The following FGD3 variants were observed in gnomAD, a reference collection of about 807,000 sequenced individuals.
FGD3 encodes FYVE, RhoGEF and PH domain containing 3, also known as FYVE, RhoGEF and PH domain-containing protein 3.
Under a neutral mutation model 71.8 loss-of-function variants are expected in FGD3, and 45 were observed. The observed-to-expected ratio is 0.63, with a 90% CI of 0.49 to 0.80. The LOEUF is 0.80. FGD3 is among the 30% of genes least tolerant of loss of function. The pLI, the probability that FGD3 is intolerant of heterozygous loss-of-function variation, is 0.00. For synonymous variants in FGD3, 378 were observed against 392.8 expected, an observed-to-expected ratio of 0.96 and a Z score of 0.44; for missense variants, 844 against 951.5, an observed-to-expected ratio of 0.89 and a Z score of 1.49.
chr9:93,034,689 T>C lies in FGD3; in HGVS notation c.1926+8T>C, dbSNP rs1862521436. 1 of 1,610,736 alleles carries C rather than the reference T, an allele frequency of 6.2e-7. No homozygotes were observed. The highest frequency in any genetic ancestry group is 1.3e-5 in the African/African-American group (1 of 74,740). Reference sequence around the variant, plus strand: ...CTGCAGGGAGGCAGCCAGGTACGTGTCCCCACCCCACCAGGCCCTCAGGCC... The same window carrying C: ...CTGCAGGGAGGCAGCCAGGTACGTGCCCCCACCCCACCAGGCCCTCAGGCC... On this transcript the variant is annotated splice_region_variant and intron_variant, in intron 17 of 17. Transcript: ENST00000375482.
At chr9:92,955,456 G>A (rs149174508) in intron 1 of FGD3, among the ~76,000 whole-genome samples, 3 of 152,084 alleles carry the variant, frequency 2.0e-5, no homozygotes, top group Non-Finnish European at 4.4e-5. Context: ...TGGGCAAAGA[G>A]AGCAAAACTC....
At chr9:93,025,107 G>A (rs1454995079) in intron 14 of FGD3, among the ~76,000 whole-genome samples, 2 of 152,208 alleles carry the variant, frequency 1.3e-5, no homozygotes, top group Non-Finnish European at 1.5e-5. Flanking sequence ...CAGCAGACCC[G>A]CTGTGCCTCG....
chr9:93,016,047 C>T (rs1158980567), intron 10 of FGD3, among the ~76,000 whole-genome samples: 2 of 152,230 alleles, frequency 1.3e-5, no homozygotes, highest in African/African-American at 2.4e-5. Flanking sequence ...GCTTGGCCCA[C>T]CTGCCACGTT....
chr9:92,977,560 C>T (rs1331382039), intron 3 of FGD3, among the ~76,000 whole-genome samples: 1 of 152,060 alleles, frequency 6.6e-6, no homozygotes, highest in African/African-American at 2.4e-5. Flanking sequence ...TGTGAGCTGG[C>T]TTGGCGGAGA....
At chr9:93,032,897 CCCT>C (rs1862411476) in intron 16 of FGD3, 24 bp downstream of exon 16, 7 of 1,605,344 alleles carry the variant, frequency 4.4e-6, no homozygotes, top group Non-Finnish European at 6.0e-6. Flanking sequence ...GCTCCTGCTC[CCCT>C]CCTGGTGGCG....
At chr9:93,021,645 G>A (rs72741057) in intron 13 of FGD3, among the ~76,000 whole-genome samples, 6 of 152,142 alleles carry the variant, frequency 3.9e-5, no homozygotes, top group South Asian at 2.1e-4. Context: ...AACTCTCGCC[G>A]CCTGACCCAG....
rs751133772 is a variant in FGD3, at chr9:93,034,590, G to A, written c.1835G>A (p.Arg612Gln). ...PQPSLLCGPL[R>Q]LSESGETWSE... ...CCCAGCCTGCTCTGCGGCCCCCTGC[G>A]GCTGTCAGAGAGCGGTGAGACCTGG... Residue 612 changes from arginine to glutamine, a missense_variant, in exon 17 of 18, where the codon CGG becomes CAG. Arg to Gln is a conservative substitution (Grantham distance 43, BLOSUM62 1). Transcript: ENST00000375482. 2.1e-5 allele frequency: 34 copies of A among 1,613,368 alleles called. No individual in the cohort carries two copies. The highest frequency in any genetic ancestry group is 6.7e-5 in the East Asian group (3 of 44,882).
intron 3 of FGD3, among the ~76,000 whole-genome samples, chr9:92,980,288 G>A (rs1390212451): frequency 6.6e-6 from 1 of 152,146 alleles, no homozygotes; most frequent in Non-Finnish European, 1.5e-5. Flanking sequence ...CCCAAGTGCT[G>A]GGATTACAGG....
At chr9:93,030,069 C>T (rs988678217) in intron 15 of FGD3, 73 bp downstream of exon 15, 3 of 1,539,424 alleles carry the variant, frequency 1.9e-6, no homozygotes, top group Admixed American at 1.8e-5. Context: ...GCTGAGTCCT[C>T]ACCAGCAGCA....
At chr9:92,958,023 G>C (rs796161505) in intron 1 of FGD3, among the ~76,000 whole-genome samples, 6 of 147,802 alleles carry the variant, frequency 4.1e-5, no homozygotes, top group African/African-American at 1.5e-4. Flanking sequence ...TTTTGAGACA[G>C]GGTCTCATTC....
At position 93,022,376 on chromosome 9, in the gene FGD3, C is replaced by T. The variant is rs367688293; in HGVS notation, c.1544C>T (p.Ser515Leu). Residue 515 changes from serine to leucine, a missense_variant, in exon 14 of 18, where the codon TCG (serine) becomes TTG (leucine). Transcript: ENST00000375482. ...VEPVVTTEGS[S>L]GAAGLEPRKL... is the part of the protein sequence containing the mutation. ...CCTGTGGTGACCACCGAAGGCAGTT[C>T]GGGTGCAGCAGGGGTAAGTGCCCCA... is the stretch of plus-strand genomic sequence containing the variant. 6.2e-6 allele frequency: 10 copies of T among 1,612,418 alleles called. No individual in the cohort carries two copies. The highest frequency in any genetic ancestry group is 1.7e-5 in the Admixed American group (1 of 59,986).
chr9:92,964,818 C>T (rs1859252530), intron 1 of FGD3, among the ~76,000 whole-genome samples: 1 of 152,164 alleles, frequency 6.6e-6, no homozygotes, highest in African/African-American at 2.4e-5. Context: ...TCACCCAGGC[C>T]TGGGGGGCGG....
intron 6 of FGD3, among the ~76,000 whole-genome samples, chr9:93,007,342 G>A (rs187199428): frequency 1.4e-4 from 22 of 151,832 alleles, no homozygotes; most frequent in African/African-American, 4.8e-4. Flanking sequence ...CACCCACCTC[G>A]GCCTCCCAAA....
chr9:92,996,234 C>T (rs1158892779), intron 3 of FGD3, among the ~76,000 whole-genome samples: 1 of 152,116 alleles, frequency 6.6e-6, no homozygotes, highest in Non-Finnish European at 1.5e-5. Flanking sequence ...GGAATTTATC[C>T]ATTTCTTCTA....
chr9:92,970,221 A>C (rs1252673850), intron 1 of FGD3, among the ~76,000 whole-genome samples: 1 of 152,220 alleles, frequency 6.6e-6, no homozygotes, highest in African/African-American at 2.4e-5. Context: ...GAAGGACAGA[A>C]ACGTCCCCTG....
At chr9:92,967,262 C>A (rs915320716) in intron 1 of FGD3, among the ~76,000 whole-genome samples, 3 of 151,996 alleles carry the variant, frequency 2.0e-5, no homozygotes, top group Non-Finnish European at 4.4e-5. Flanking sequence ...CGTGCCCAGC[C>A]TCCTTCATCG....
intron 8 of FGD3, 142 bp from the exon 9 acceptor site, chr9:93,013,708 ACT>A: frequency 1.0e-6 from 1 of 952,464 alleles, no homozygotes; most frequent in South Asian, 1.5e-5. Context: ...CTCAAACATC[ACT>A]CTGTTTTCCC....
chr9:93,035,164 C>T (rs7022396), intron 17 of FGD3, among the ~76,000 whole-genome samples, 174 bp from the exon 18 acceptor site: 57,046 of 152,108 alleles, frequency 0.38, 10,993 homozygotes, highest in Middle Eastern at 0.51. Flanking sequence ...CCCCACCGAC[C>T]GTCCTCCTGT....
At position 93,020,379 on chromosome 9, in the gene FGD3, C is replaced by T. The variant is rs775547146; in HGVS notation, c.1449C>T (p.Gly483=). Residue 483 remains glycine (G), a synonymous_variant, in exon 13 of 18, where the codon GGC becomes GGT. Transcript: ENST00000375482. ...GCGAAACCTTCAAGGCTTTTGGTGGCGCCTTCAGCCAGGATGAGGACCCCA... is the reference window on the plus strand; with the variant it reads ...GCGAAACCTTCAAGGCTTTTGGTGGTGCCTTCAGCCAGGATGAGGACCCCA... ...QNSETFKAFG[G]AFSQDEDPSL... 3 of 1,613,506 alleles carry T rather than the reference C, an allele frequency of 1.9e-6. No individual in the cohort carries two copies. Among genetic ancestry groups the T allele is most frequent in the African/African-American group, 1.3e-5 (1 of 74,838 alleles).
Sources: gnomAD v4.1 joint callset for allele counts (sites outside exome capture counted in the v4.1 genomes callset) on GRCh38, gnomAD v4.1.1 for gene constraint, MANE v1.5 for transcripts, NCBI Gene and HGNC (gene_info 2026-07-23, HGNC 2026-07-21) for gene names.